The following ABCC9 variants were observed in gnomAD, a reference collection of about 807,000 sequenced individuals.
The protein encoded by ABCC9 is ATP-binding cassette sub-family C member 9.
ABCC9 carries 95 observed loss-of-function variants against 188.3 expected under a neutral mutation model. The observed-to-expected ratio is 0.50, with a 90% CI of 0.43 to 0.60. ABCC9 has a LOEUF of 0.60. Ranked by LOEUF, ABCC9 falls within the 20% of genes least tolerant of loss-of-function variation. The pLI is 0.00. For synonymous variants in ABCC9, 659 were observed against 652.7 expected (o/e 1.01, Z -0.15); for missense variants, 1,102 against 1,876.3 (o/e 0.59, Z 7.62).
chr12:21,912,056 A>G (rs2137884718), intron 8 of ABCC9, among the ~76,000 whole-genome samples: 1 of 152,088 alleles, frequency 6.6e-6, no homozygotes, highest in East Asian at 1.9e-4. Context: ...GTGTTAAGGG[A>G]CTATCAAGGA....
intron 18 of ABCC9, among the ~76,000 whole-genome samples, chr12:21,867,822 GA>G (rs11373840): frequency 2.0e-4 from 27 of 137,890 alleles, no homozygotes; most frequent in Admixed American, 2.2e-4. Context: ...AGAGGGAAAA[GA>G]AAAAAAAAAA....
intron 2 of ABCC9, among the ~76,000 whole-genome samples, chr12:21,937,171 G>A (rs1345476266): frequency 6.6e-6 from 1 of 152,068 alleles, no homozygotes; most frequent in East Asian, 1.9e-4. Flanking sequence ...CACTAGTTGT[G>A]GGAAATACTA....
At chr12:21,804,385 A>G (rs576427779) in intron 39 of ABCC9, among the ~76,000 whole-genome samples, 4 of 152,296 alleles carry the variant, frequency 2.6e-5, no homozygotes, top group East Asian at 1.9e-4. Flanking sequence ...TGAATAGGCA[A>G]TGGTCTGTTT....
At chr12:21,806,360 A>G (rs1188250529) in intron 38 of ABCC9, among the ~76,000 whole-genome samples, 1 of 152,234 alleles carries the variant, frequency 6.6e-6, no homozygotes, top group Non-Finnish European at 1.5e-5. Context: ...CTTGAGTTAT[A>G]CCACAAAAAG....
rs1433229705 is a variant in ABCC9 at position 21,882,824 on chromosome 12, C to T, written c.1961G>A (p.Ser654Asn). The T allele has an allele frequency of 1.2e-6, 2 of 1,614,076 alleles. No homozygotes were observed. The highest frequency in any genetic ancestry group is 1.1e-5 in the South Asian group (1 of 91,080). Residue 654 changes from serine (S) to asparagine (N), a missense_variant, in exon 16 of 40, where the codon AGC becomes AAC. This residue lies in a region of ABCC9 where 258 missense variants were observed against 325.6 expected (regional missense o/e 0.79). Coordinates refer to ENST00000261200, the MANE Select transcript of ABCC9 (RefSeq NM_020297.4). Reference sequence around the variant, plus strand: ...TAGACGCCGTGTTGATTGCTCATAGCTGTCCAGGTGATATCTTCCAGGCTG... The same window carrying T: ...TAGACGCCGTGTTGATTGCTCATAGTTGTCCAGGTGATATCTTCCAGGCTG... ...RKQPGRYHLD[S>N]YEQSTRRLRP... is the part of the protein sequence containing the mutation.
At chr12:21,939,724 G>A (rs933992207) in intron 2 of ABCC9, among the ~76,000 whole-genome samples, 1 of 152,184 alleles carries the variant, frequency 6.6e-6, no homozygotes, top group African/African-American at 2.4e-5. Context: ...AATATGCTCA[G>A]TTGTTTATGA....
intron 4 of ABCC9, among the ~76,000 whole-genome samples, chr12:21,929,652 T>A (rs1949194155): frequency 6.6e-6 from 1 of 152,136 alleles, no homozygotes; most frequent in African/African-American, 2.4e-5. Context: ...CCATTAGTTG[T>A]CATTAATAAT....
intron 39 of ABCC9, chr12:21,805,049 C>T (rs1941737473): frequency 7.2e-7 from 1 of 1,397,026 alleles, no homozygotes; most frequent in East Asian, 2.3e-5. Flanking sequence ...GTAATAACAC[C>T]CTGCAGTTAG....
At chr12:21,899,975 C>A (rs531930297) in intron 12 of ABCC9, among the ~76,000 whole-genome samples, 156 of 152,322 alleles carry the variant, frequency 1.0e-3, no homozygotes, top group Non-Finnish European at 1.9e-3. Context: ...GTTCTCCTAG[C>A]ATGGAGTTTG....
intron 4 of ABCC9, among the ~76,000 whole-genome samples, chr12:21,929,576 A>T (rs1049204873): frequency 6.6e-6 from 1 of 152,054 alleles, no homozygotes; most frequent in African/African-American, 2.4e-5. Context: ...GGTTTTATTT[A>T]AAAAAAGAAA....
At chr12:21,871,178 A>G in intron 18 of ABCC9, among the ~76,000 whole-genome samples, 1 of 152,294 alleles carries the variant, frequency 6.6e-6, no homozygotes, top group Admixed American at 6.5e-5. Flanking sequence ...ATCCAGTGGG[A>G]TCTACTTCTT....
chr12:21,905,292 A>G (rs911588815), intron 12 of ABCC9, among the ~76,000 whole-genome samples: 1 of 152,052 alleles, frequency 6.6e-6, no homozygotes, highest in Non-Finnish European at 1.5e-5. Flanking sequence ...GAGGGATAGC[A>G]TTAGGAGATA....
chr12:21,818,925 C>T (rs1942857024), intron 31 of ABCC9, among the ~76,000 whole-genome samples: 3 of 152,084 alleles, frequency 2.0e-5, no homozygotes, highest in Admixed American at 6.6e-5. Flanking sequence ...GAGTCTGGGA[C>T]ACTAAACCTA....
intron 38 of ABCC9, 89 bp downstream of exon 38, chr12:21,807,257 T>C: frequency 6.4e-7 from 1 of 1,571,628 alleles, no homozygotes; most frequent in Non-Finnish European, 8.7e-7. Context: ...GTACTGAGGA[T>C]TCAGAACCCA....
intron 32 of ABCC9, 123 bp from the exon 33 acceptor site, chr12:21,817,430 A>T: frequency 1.1e-6 from 1 of 878,718 alleles, no homozygotes; most frequent in Non-Finnish European, 1.8e-6. Flanking sequence ...ACAACTCATA[A>T]GTGCTACAGA....
intron 17 of ABCC9, 64 bp from the exon 18 acceptor site, chr12:21,872,794 A>G: frequency 2.4e-6 from 3 of 1,259,104 alleles, no homozygotes; most frequent in Non-Finnish European, 3.5e-6. Context: ...TAACATCAAA[A>G]CACATTTAGA....
At chr12:21,905,431 C>G (rs1319916761) in intron 12 of ABCC9, among the ~76,000 whole-genome samples, 2 of 151,340 alleles carry the variant, frequency 1.3e-5, no homozygotes, top group Non-Finnish European at 3.0e-5. Context: ...AAAAAGAATG[C>G]TATGATTTCT....
chr12:21,843,283 T>A (rs909540516), intron 28 of ABCC9, among the ~76,000 whole-genome samples: 50 of 152,200 alleles, frequency 3.3e-4, no homozygotes, highest in African/African-American at 1.2e-3. Context: ...TATTGAAAAA[T>A]TAATCCTTTC....
chr12:21,853,583 C>T (rs998632673), intron 22 of ABCC9, among the ~76,000 whole-genome samples: 1 of 152,066 alleles, frequency 6.6e-6, no homozygotes, highest in Non-Finnish European at 1.5e-5. Flanking sequence ...TAAGAACTCA[C>T]ATTAATTGTC....
Sources: gnomAD v4.1 joint callset for allele counts (sites outside exome capture counted in the v4.1 genomes callset) on GRCh38, gnomAD v4.1.1 for gene constraint, gnomAD v4.1.1 regional missense constraint, MANE v1.5 for transcripts, NCBI Gene and HGNC (gene_info 2026-07-23, HGNC 2026-07-21) for gene names.